PITPNC1: variants seen among roughly 807,000 people sequenced by gnomAD.
The protein encoded by PITPNC1 is phosphatidylinositol transfer protein cytoplasmic 1, also known as cytoplasmic phosphatidylinositol transfer protein 1.
In PITPNC1, 18 loss-of-function variants were observed where a neutral mutation model predicts 44.7. That is an observed-to-expected ratio of 0.40 (90% CI 0.28 to 0.60). The LOEUF (loss-of-function observed/expected upper bound fraction) is 0.60. PITPNC1 is among the 20% of genes least tolerant of loss of function. The probability of loss-of-function intolerance (pLI) is 0.39; values close to 1 mark genes in which losing one functional copy is unlikely to be tolerated. For missense variants in PITPNC1, 290 were observed against 418.4 expected (o/e 0.69, Z 2.68); for synonymous variants, 141 against 149.6 (o/e 0.94, Z 0.42).
intron 6 of PITPNC1, among the ~76,000 whole-genome samples, chr17:67,636,104 C>T (rs111960719): frequency 0.14 from 21,237 of 151,958 alleles, 1,740 homozygotes; most frequent in Middle Eastern, 0.26. Context: ...CAAGACCAGC[C>T]TGGCCAACAT....
At chr17:67,618,364 C>CA (rs11417487) in intron 5 of PITPNC1, among the ~76,000 whole-genome samples, 20,422 of 76,796 alleles carry the variant, frequency 0.27, 4,106 homozygotes, top group East Asian at 0.43. Flanking sequence ...GACTCCGTCT[C>CA]AAAAAAAAAA....
intron 1 of PITPNC1, among the ~76,000 whole-genome samples, chr17:67,447,089 CAAAAAAAAAAAAA>C (rs749024248): frequency 1.4e-4 from 5 of 35,326 alleles, no homozygotes; most frequent in Admixed American, 4.7e-4. Flanking sequence ...GACTCTGTCT[CAAAAAAAAAAAAA>C]AAAAAAAAAA....
At chr17:67,499,570 T>G (rs184218314) in intron 1 of PITPNC1, among the ~76,000 whole-genome samples, 1 of 152,240 alleles carries the variant, frequency 6.6e-6, no homozygotes, top group Non-Finnish European at 1.5e-5. Context: ...ATAGCTGGTC[T>G]GCTACCTCCC....
At chr17:67,635,059 G>C (rs1028450723) in intron 6 of PITPNC1, among the ~76,000 whole-genome samples, 4 of 152,152 alleles carry the variant, frequency 2.6e-5, no homozygotes, top group African/African-American at 9.6e-5. Context: ...ATCCAGCCTG[G>C]GCAACAGAGA....
rs533441828 is a variant in PITPNC1 at position 67,696,765 on chromosome 17, G to T, written c.*3877G>T. Reference sequence around the variant, plus strand: ...AAATATAAGTGTTTAAGCTTTTTAGGAGTTAGTGTAATAAGAGAATGTGAA... The same window carrying T: ...AAATATAAGTGTTTAAGCTTTTTAGTAGTTAGTGTAATAAGAGAATGTGAA... On this transcript the variant is annotated 3_prime_UTR_variant, in exon 9 of 9. Transcript: ENST00000581322. 2.0e-5 allele frequency: 3 copies of T among 152,320 alleles called. No individual in the cohort carries two copies. The South Asian group carries it at 6.2e-4, about 32-fold the overall frequency. 9.4% of individuals were successfully genotyped at this position (152,320 alleles called of 1,614,324 possible). A position where few individuals can be genotyped will look rare whatever the true frequency, so the allele number is the denominator to read the frequency against.
intron 5 of PITPNC1, among the ~76,000 whole-genome samples, chr17:67,601,669 C>A (rs2041541831): frequency 6.6e-6 from 1 of 152,012 alleles, no homozygotes; most frequent in Non-Finnish European, 1.5e-5. Context: ...GTGGGAGGAT[C>A]ACTTGAGCCC....
At chr17:67,576,296 A>G (rs1334229419) in intron 4 of PITPNC1, among the ~76,000 whole-genome samples, 1 of 152,004 alleles carries the variant, frequency 6.6e-6, no homozygotes, top group Non-Finnish European at 1.5e-5. Flanking sequence ...GCTGCATGAG[A>G]CTGTAGGCCA....
chr17:67,548,671 A>G (rs1347178495), intron 2 of PITPNC1, among the ~76,000 whole-genome samples: 1 of 152,152 alleles, frequency 6.6e-6, no homozygotes, highest in African/African-American at 2.4e-5. Flanking sequence ...CATCTGGGGG[A>G]ATATGATGCT....
intron 4 of PITPNC1, among the ~76,000 whole-genome samples, chr17:67,558,104 C>G (rs1162940841): frequency 6.6e-6 from 1 of 152,132 alleles, no homozygotes; most frequent in African/African-American, 2.4e-5. Flanking sequence ...CCTCATGCTG[C>G]CCTCATTCGT....
At chr17:67,409,266 A>G (rs868058669) in intron 1 of PITPNC1, among the ~76,000 whole-genome samples, 5 of 149,200 alleles carry the variant, frequency 3.4e-5, no homozygotes, top group South Asian at 2.1e-4. Context: ...TTGTATTTTT[A>G]GTAGAGACGG....
chr17:67,638,677 T>G (rs1162033625), intron 6 of PITPNC1: 1 of 152,076 alleles, frequency 6.6e-6, no homozygotes, highest in African/African-American at 2.4e-5. Context: ...AGCAAAGGAG[T>G]CTCTAGCCCA....
At chr17:67,404,392 T>G (rs923384533) in intron 1 of PITPNC1, among the ~76,000 whole-genome samples, 4 of 152,234 alleles carry the variant, frequency 2.6e-5, no homozygotes, top group African/African-American at 9.6e-5. Context: ...TAGAAAAATA[T>G]GTCTATCTAG....
Position 67,381,870 on chromosome 17 carries a change from G to T in PITPNC1, c.48+3668G>T, listed in dbSNP as rs374228438. Among the ~76,000 whole-genome samples the T allele has an allele frequency of 3.2e-4, 49 of 152,312 alleles. 1 individual carries two copies. In the East Asian group the frequency reaches 6.6e-3, roughly 20 times the overall value. ...AGAACCCACACTTTGCCTGCTTCTT[G>T]TGCCTGGCCTTATCCCTTCTCCCTC... On this transcript the variant is annotated intron_variant, in intron 1 of 8. Coordinates refer to ENST00000581322, the MANE Select transcript of PITPNC1 (RefSeq NM_012417.4).
At chr17:67,530,976 C>T (rs112472833) in intron 1 of PITPNC1, among the ~76,000 whole-genome samples, 6 of 152,206 alleles carry the variant, frequency 3.9e-5, no homozygotes, top group African/African-American at 1.4e-4. Context: ...GGCACTGTGG[C>T]TCATGCCTGT....
intron 6 of PITPNC1, among the ~76,000 whole-genome samples, chr17:67,660,518 T>TTTTATTTA (rs1007987447): frequency 0.11 from 15,535 of 139,280 alleles, 1,207 homozygotes; most frequent in African/African-American, 0.24. Flanking sequence ...TTTTATTTTA[T>TTTTATTTA]TTTATTTATT....
intron 4 of PITPNC1, among the ~76,000 whole-genome samples, chr17:67,576,928 C>A (rs1292813015): frequency 6.6e-6 from 1 of 152,076 alleles, no homozygotes; most frequent in African/African-American, 2.4e-5. Context: ...AATTATTACT[C>A]CTGTTTTAAC....
intron 5 of PITPNC1, among the ~76,000 whole-genome samples, chr17:67,590,374 TTG>T (rs1418070089): frequency 2.6e-5 from 4 of 152,214 alleles, no homozygotes; most frequent in African/African-American, 9.7e-5. Flanking sequence ...ACAATAAGAA[TTG>T]TAAACAAATA....
chr17:67,501,752 G>A (rs956607436), intron 1 of PITPNC1, among the ~76,000 whole-genome samples: 1 of 152,024 alleles, frequency 6.6e-6, no homozygotes, highest in Non-Finnish European at 1.5e-5. Flanking sequence ...AGAATTGCTC[G>A]AACGTGGGAG....
At chr17:67,520,008 C>T (rs986003466) in intron 1 of PITPNC1, among the ~76,000 whole-genome samples, 1 of 152,220 alleles carries the variant, frequency 6.6e-6, no homozygotes, top group African/African-American at 2.4e-5. Flanking sequence ...AAGTGCTTCT[C>T]TTTGCATTTC....
Sources: gnomAD v4.1 joint callset for allele counts (sites outside exome capture counted in the v4.1 genomes callset) on GRCh38, gnomAD v4.1.1 for gene constraint, MANE v1.5 for transcripts, NCBI Gene and HGNC (gene_info 2026-07-23, HGNC 2026-07-21) for gene names.